The following ASXL3 variants were observed in gnomAD, a reference collection of about 807,000 sequenced individuals.
ASXL3 encodes the protein ASXL transcriptional regulator 3, also known as putative Polycomb group protein ASXL3.
ASXL3 carries 34 observed loss-of-function variants against 170.6 expected under a neutral mutation model. The observed-to-expected ratio is 0.20, with a 90% CI of 0.15 to 0.27. The LOEUF (loss-of-function observed/expected upper bound fraction) is 0.27. ASXL3 is among the 10% of genes least tolerant of loss of function. The pLI is 1.00. For missense variants in ASXL3, 2,592 were observed against 2,695.3 expected (o/e 0.96, Z 0.85); for synonymous variants, 1,002 against 989.1 (o/e 1.01, Z -0.24).
chr18:33,597,189 T>C (rs368765033), intron 1 of ASXL3, among the ~76,000 whole-genome samples: 1 of 152,124 alleles, frequency 6.6e-6, no homozygotes, highest in Non-Finnish European at 1.5e-5. Context: ...ATAAATTACA[T>C]AATATGTAGA....
intron 8 of ASXL3, among the ~76,000 whole-genome samples, chr18:33,713,793 C>T (rs540809756): frequency 3.2e-4 from 48 of 152,104 alleles, no homozygotes; most frequent in Non-Finnish European, 6.0e-4. Context: ...ATACCACAAG[C>T]GGTAACTTCC....
intron 8 of ASXL3, among the ~76,000 whole-genome samples, chr18:33,705,948 A>G (rs1356582847): frequency 6.6e-6 from 1 of 151,832 alleles, no homozygotes; most frequent in Non-Finnish European, 1.5e-5. Context: ...GACTTTTTTC[A>G]CCATCAACTA....
chr18:33,661,178 G>A (rs958724210), intron 4 of ASXL3, among the ~76,000 whole-genome samples: 3 of 152,118 alleles, frequency 2.0e-5, no homozygotes, highest in Non-Finnish European at 4.4e-5. Flanking sequence ...AGGCTGTTAA[G>A]TAGAAGCATC....
At chr18:33,588,556 T>C (rs1405572368) in intron 1 of ASXL3, among the ~76,000 whole-genome samples, 1 of 152,114 alleles carries the variant, frequency 6.6e-6, no homozygotes, top group Non-Finnish European at 1.5e-5. Flanking sequence ...GACTCCATGC[T>C]TATTGCATGA....
chr18:33,608,861 A>G (rs1016167322), intron 2 of ASXL3, among the ~76,000 whole-genome samples: 3 of 152,038 alleles, frequency 2.0e-5, no homozygotes, highest in Admixed American at 2.0e-4. Flanking sequence ...TGTGGGTAAC[A>G]TCAGCCTCTA....
intron 2 of ASXL3, among the ~76,000 whole-genome samples, chr18:33,630,282 T>G (rs1445703768): frequency 6.6e-6 from 1 of 152,158 alleles, no homozygotes; most frequent in Non-Finnish European, 1.5e-5. Flanking sequence ...TTGTTTTTAC[T>G]TCATAATTCT....
At chr18:33,676,248 T>C (rs1376620089) in intron 7 of ASXL3, among the ~76,000 whole-genome samples, 2 of 76,140 alleles carry the variant, frequency 2.6e-5, no homozygotes, top group Admixed American at 1.5e-4. Context: ...AAAAAAAAAA[T>C]TATTCAGTCA....
intron 8 of ASXL3, among the ~76,000 whole-genome samples, chr18:33,696,221 AT>A (rs2066771461): frequency 6.6e-6 from 1 of 152,118 alleles, no homozygotes; most frequent in Non-Finnish European, 1.5e-5. Flanking sequence ...TATTAAAAAA[AT>A]ATAGTTGCCC....
intron 8 of ASXL3, among the ~76,000 whole-genome samples, chr18:33,698,718 A>T (rs1425251769): frequency 1.3e-5 from 2 of 152,158 alleles, no homozygotes; most frequent in African/African-American, 4.8e-5. Flanking sequence ...GGGGTAGCAT[A>T]AAACCAGAAT....
At position 33,690,781 on chromosome 18, in the gene ASXL3, C is replaced by T. The variant is rs773560640; in HGVS notation, c.879+7213C>T. On this transcript the variant is annotated intron_variant, in intron 8 of 11. Coordinates refer to ENST00000269197, the MANE Select transcript of ASXL3 (RefSeq NM_030632.3). ...TCCATCTTGGCCACCATACCTTTGC[C>T]ATGTGGATGGTCTCCTCATCACACA... 8.0e-4 allele frequency among the ~76,000 whole-genome samples: 122 copies of T among 152,144 alleles called. 1 individual carries two copies. The highest frequency in any genetic ancestry group is 1.6e-4 in the Non-Finnish European group (11 of 68,036).
At chr18:33,655,752 T>C (rs952406152) in intron 4 of ASXL3, among the ~76,000 whole-genome samples, 6 of 152,080 alleles carry the variant, frequency 3.9e-5, no homozygotes, top group Non-Finnish European at 8.8e-5. Flanking sequence ...ATATCTGATA[T>C]ACACAATTTC....
rs117044956 is a variant in ASXL3 at position 33,672,462 on chromosome 18, C to T, written c.715+596C>T. ...CTGATAACTTTTCATCAGGAACCCC[C>T]AACAGCATTCAGGGAGAAAAGAGCA... On this transcript the variant is annotated intron_variant, in intron 7 of 11. Transcript: ENST00000269197. Among the ~76,000 whole-genome samples the T allele has an allele frequency of 2.6e-4, 40 of 152,210 alleles. No homozygotes were observed. In the East Asian group the frequency reaches 5.6e-3, roughly 21 times the overall value.
At chr18:33,639,239 A>T (rs1352507631) in intron 2 of ASXL3, among the ~76,000 whole-genome samples, 1 of 152,162 alleles carries the variant, frequency 6.6e-6, no homozygotes, top group Non-Finnish European at 1.5e-5. Context: ...TCTCTAGGAC[A>T]TAGTGAGTTT....
chr18:33,696,510 T>C (rs1189506625), intron 8 of ASXL3, among the ~76,000 whole-genome samples: 6 of 152,016 alleles, frequency 3.9e-5, no homozygotes, highest in Non-Finnish European at 8.8e-5. Context: ...CTGCAGGAGA[T>C]AATGAAAGTG....
At chr18:33,714,327 A>G (rs953471482) in intron 8 of ASXL3, among the ~76,000 whole-genome samples, 1 of 152,114 alleles carries the variant, frequency 6.6e-6, no homozygotes, top group African/African-American at 2.4e-5. Flanking sequence ...AATTCAATAT[A>G]GGCAGGTCCC....
rs752291672 is a variant in ASXL3, at chr18:33,745,546, C to T, written c.5698C>T (p.Leu1900=). 1 of 1,614,020 alleles carries T rather than the reference C, an allele frequency of 6.2e-7. No individual in the cohort carries two copies. Among genetic ancestry groups the T allele is most frequent in the South Asian group, 1.1e-5 (1 of 91,080 alleles). ...HSPEVKQQKR[L]LPSCSFQQNL... ...CCCTGAGGTCAAACAGCAAAAGCGG[C>T]TGCTCCCCTCGTGTAGCTTCCAGCA... The change falls in exon 12 of 12, where the codon CTG becomes TTG. Residue 1900 remains leucine (L), a synonymous_variant. Coordinates refer to ENST00000269197, the MANE Select transcript of ASXL3 (RefSeq NM_030632.3).
At chr18:33,590,450 A>C (rs958020661) in intron 1 of ASXL3, among the ~76,000 whole-genome samples, 1 of 152,164 alleles carries the variant, frequency 6.6e-6, no homozygotes, top group Non-Finnish European at 1.5e-5. Context: ...AAAAAGCACC[A>C]ATAAAAGGCA....
chr18:33,681,125 T>G (rs1273564406), intron 7 of ASXL3, among the ~76,000 whole-genome samples: 1 of 151,920 alleles, frequency 6.6e-6, no homozygotes, highest in Non-Finnish European at 1.5e-5. Context: ...CATACCAGAG[T>G]TTTATAGTGC....
intron 8 of ASXL3, among the ~76,000 whole-genome samples, chr18:33,728,623 C>A (rs2067387829): frequency 6.6e-6 from 1 of 152,134 alleles, no homozygotes; most frequent in Non-Finnish European, 1.5e-5. Flanking sequence ...CATCCACCCC[C>A]ATCTCCCAGA....
Sources: allele counts gnomAD v4.1 joint callset (sites outside exome capture counted in the v4.1 genomes callset), GRCh38; gene constraint gnomAD v4.1.1; transcripts MANE v1.5; gene names NCBI Gene and HGNC (gene_info 2026-07-23, HGNC 2026-07-21).